Variants in ACER3 observed in about 807,000 individuals in gnomAD.
The protein encoded by ACER3 is alkCDase 3.
In ACER3, 16 loss-of-function variants were observed where a neutral mutation model predicts 48.9. That is an observed-to-expected ratio of 0.33 (90% confidence interval 0.22 to 0.50). ACER3 has a LOEUF of 0.50. Ranked by LOEUF, ACER3 falls within the 20% of genes least tolerant of loss-of-function variation. The pLI is 0.98. For synonymous variants in ACER3, 109 were observed against 107.8 expected, an observed-to-expected ratio of 1.01 and a Z score of -0.07; for missense variants, 227 against 326.0, an observed-to-expected ratio of 0.70 and a Z score of 2.34.
intron 2 of ACER3, among the ~76,000 whole-genome samples, chr11:76,929,967 G>A (rs1397765224): frequency 6.6e-6 from 1 of 151,626 alleles, no homozygotes; most frequent in Non-Finnish European, 1.5e-5. Context: ...TTGGTATTAG[G>A]ATGAGGCTGG....
At chr11:76,957,823 T>C (rs1431862026) in intron 2 of ACER3, among the ~76,000 whole-genome samples, 1 of 152,240 alleles carries the variant, frequency 6.6e-6, no homozygotes, top group Non-Finnish European at 1.5e-5. Flanking sequence ...ACCCTAATTT[T>C]AGTTCTACTT....
chr11:76,982,310 G>A (rs535505565), intron 4 of ACER3, among the ~76,000 whole-genome samples: 11 of 149,200 alleles, frequency 7.4e-5, no homozygotes, highest in Admixed American at 5.4e-4. Context: ...TCTGCCTCCC[G>A]GGTTCAAGTG....
intron 2 of ACER3, among the ~76,000 whole-genome samples, chr11:76,944,567 G>C (rs1947427831): frequency 6.6e-6 from 1 of 152,086 alleles, no homozygotes; most frequent in Non-Finnish European, 1.5e-5. Context: ...CTATTAGAAA[G>C]TCTGCTGTTA....
At chr11:76,904,841 A>ATGTATG (rs1554996564) in intron 1 of ACER3, among the ~76,000 whole-genome samples, 3 of 147,424 alleles carry the variant, frequency 2.0e-5, no homozygotes, top group African/African-American at 7.4e-5. Flanking sequence ...TTCTCTATGT[A>ATGTATG]TGTGTGTGTG....
intron 3 of ACER3, among the ~76,000 whole-genome samples, chr11:76,961,978 A>G (rs1440935291): frequency 2.0e-5 from 3 of 150,616 alleles, no homozygotes; most frequent in African/African-American, 7.5e-5. Context: ...CTAATGGGAC[A>G]AATCAAAATT....
Position 76,982,868 on chromosome 11 carries a change from G to T in ACER3, c.321-2775G>T, listed in dbSNP as rs1355723291. Among the ~76,000 whole-genome samples the T allele has an allele frequency of 2.6e-5, 4 of 152,202 alleles. No individual in the cohort carries two copies. In the East Asian group the frequency reaches 7.7e-4, roughly 29 times the overall value. On this transcript the variant is annotated intron_variant, in intron 4 of 10. Coordinates refer to ENST00000532485, the MANE Select transcript of ACER3 (RefSeq NM_018367.7). ...ATCATGTTTTCCTTACCAGTATCTA[G>T]TTGTTCCAGAACCATCTTTTGAGAT...
At chr11:76,968,964 G>A (rs1330032726) in intron 3 of ACER3, among the ~76,000 whole-genome samples, 4 of 152,170 alleles carry the variant, frequency 2.6e-5, no homozygotes, top group Non-Finnish European at 5.9e-5. Context: ...AAACTGAAGA[G>A]CTTCTGCACA....
intron 1 of ACER3, 91 bp downstream of exon 1, chr11:76,861,170 G>A: frequency 7.8e-7 from 1 of 1,277,408 alleles, no homozygotes; most frequent in African/African-American, 1.5e-5. Flanking sequence ...ACCTGGCCGC[G>A]AAGGGAGGTG....
At chr11:76,866,175 C>T (rs1275202160) in intron 1 of ACER3, among the ~76,000 whole-genome samples, 1 of 152,046 alleles carries the variant, frequency 6.6e-6, no homozygotes, top group African/African-American at 2.4e-5. Context: ...CGTCAGCATT[C>T]TTATGGTTAG....
At position 77,022,677 on chromosome 11, in the gene ACER3, G is replaced by A. The variant is rs562422455; in HGVS notation, c.*2350G>A. On this transcript the variant is annotated 3_prime_UTR_variant, in exon 11 of 11. Coordinates refer to ENST00000532485, the MANE Select transcript of ACER3 (RefSeq NM_018367.7). ...GTTGAATTCCTCACTACCCCCTCCC[G>A]CTGTCATTTGTTTTATTGGAAAACT... is the stretch of plus-strand genomic sequence containing the variant. 167 of 153,762 alleles carry A rather than the reference G, an allele frequency of 1.1e-3. 1 individual carries two copies. The highest frequency in any genetic ancestry group is 1.7e-3 in the Non-Finnish European group (119 of 69,336). The allele number at this position is 153,762 out of a possible 1,614,324, so 9.5% of individuals were successfully genotyped here.
Position 76,998,423 on chromosome 11 carries a change from A to AAGCTGAAGAGAAGAGAGG in ACER3, c.439-336_439-335insGAAGAGAAGAGAGGAGCT, listed in dbSNP as rs1555019081. 6.1e-5 allele frequency: 13 copies of AAGCTGAAGAGAAGAGAGG among 213,620 alleles called. No individual in the cohort carries two copies. In the East Asian group the frequency reaches 2.1e-3, roughly 35 times the overall value. 13.2% of individuals were successfully genotyped at this position (213,620 alleles called of 1,614,324 possible). A position where few individuals can be genotyped will look rare whatever the true frequency, so the allele number is the denominator to read the frequency against. ...ACAATTACTGTATTTGCTGAAAGCA[A>AAGCTGAAGAGAAGAGAGG]AGCTAAAGAGAAGAGAGGAGCTAAA... On this transcript the variant is annotated intron_variant, in intron 6 of 10. Transcript: ENST00000532485.
chr11:76,939,978 A>G (rs1012434899), intron 2 of ACER3, among the ~76,000 whole-genome samples: 1 of 152,184 alleles, frequency 6.6e-6, no homozygotes, highest in African/African-American at 2.4e-5. Flanking sequence ...TACTACATTA[A>G]TGATAAATTT....
chr11:76,882,349 T>G lies in ACER3; in HGVS notation c.103+21270T>G, dbSNP rs551364582. ...CTGTGCATATACATGTTGGGTAGTTTTGATTGACCTATCTTTATGTTGACT... is the reference window on the plus strand; with the variant it reads ...CTGTGCATATACATGTTGGGTAGTTGTGATTGACCTATCTTTATGTTGACT... On this transcript the variant is annotated intron_variant, in intron 1 of 10. Transcript: ENST00000532485. 2.0e-5 allele frequency among the ~76,000 whole-genome samples: 3 copies of G among 152,286 alleles called. No homozygotes were observed. The South Asian group carries it at 6.2e-4, about 32-fold the overall frequency.
intron 7 of ACER3, among the ~76,000 whole-genome samples, chr11:77,005,086 G>GGA (rs1949107057): frequency 6.9e-6 from 1 of 145,382 alleles, no homozygotes; most frequent in Admixed American, 7.1e-5. Context: ...CGTCCAGGCT[G>GGA]GAGAGCAGTG....
intron 2 of ACER3, among the ~76,000 whole-genome samples, chr11:76,929,910 A>G (rs1039600306): frequency 6.6e-6 from 1 of 152,080 alleles, no homozygotes; most frequent in African/African-American, 2.4e-5. Context: ...TGTTCATCAG[A>G]TATATTGGTC....
intron 1 of ACER3, among the ~76,000 whole-genome samples, chr11:76,891,310 C>A (rs1264466696): frequency 6.7e-6 from 1 of 150,184 alleles, no homozygotes; most frequent in African/African-American, 2.5e-5. Flanking sequence ...ATTTTCATAA[C>A]CCTTATTATA....
At chr11:76,969,354 A>C (rs1948229854) in intron 3 of ACER3, among the ~76,000 whole-genome samples, 1 of 152,196 alleles carries the variant, frequency 6.6e-6, no homozygotes, top group Non-Finnish European at 1.5e-5. Flanking sequence ...GTGGGACTGT[A>C]AACTAGTTCA....
rs1555024632 is a variant in ACER3, at chr11:77,022,217, G to A, written c.*1890G>A. The A allele has an allele frequency of 6.6e-6, 1 of 152,198 alleles. No homozygotes were observed. The highest frequency in any genetic ancestry group is 2.4e-5 in the African/African-American group (1 of 41,432). The allele number at this position is 152,198 out of a possible 1,614,324, so 9.4% of individuals were successfully genotyped here. On this transcript the variant is annotated 3_prime_UTR_variant, in exon 11 of 11. Transcript: ENST00000532485. ...CGTACATGGCAATGCTGTTAAACAT[G>A]GTAAGACTGAGGTTCTGCAGGATTA...
At chr11:76,872,905 CTTTTTCTTTTTTT>C (rs1945280191) in intron 1 of ACER3, among the ~76,000 whole-genome samples, 1 of 94,574 alleles carries the variant, frequency 1.1e-5, no homozygotes, top group South Asian at 3.5e-4. Context: ...TTTCTTTTTT[CTTTTTCTTTTTTT>C]TTTTTTTTTT....
Sources: gnomAD v4.1 joint callset for allele counts (sites outside exome capture counted in the v4.1 genomes callset) on GRCh38, gnomAD v4.1.1 for gene constraint, MANE v1.5 for transcripts, NCBI Gene and HGNC (gene_info 2026-07-23, HGNC 2026-07-21) for gene names.